Variants in FBXO25 observed in about 807,000 individuals in gnomAD.
The protein encoded by FBXO25 is F-box only protein 25.
In FBXO25, 45 loss-of-function variants were observed where a neutral mutation model predicts 51.9. That is an observed-to-expected ratio of 0.87 (90% confidence interval 0.68 to 1.11). The LOEUF (loss-of-function observed/expected upper bound fraction) is 1.11, where lower values mean the gene tolerates loss of function less well. Among genes scored for constraint, FBXO25 ranks in the 50% most tolerant of loss-of-function variants. The probability of loss-of-function intolerance (pLI) is 0.00; values close to 1 mark genes in which losing one functional copy is unlikely to be tolerated. For synonymous variants in FBXO25, 199 were observed against 151.0 expected (o/e 1.32, Z -2.33); for missense variants, 507 against 428.5 (o/e 1.18, Z -1.62).
At chr8:454,966 C>A (rs915359684) in intron 7 of FBXO25, among the ~76,000 whole-genome samples, 1 of 150,906 alleles carries the variant, frequency 6.6e-6, no homozygotes, top group Non-Finnish European at 1.5e-5. Flanking sequence ...CAGTGCTTAA[C>A]AACTGGCTCT....
chr8:441,729 A>C (rs1337815237), intron 5 of FBXO25, among the ~76,000 whole-genome samples: 1 of 152,250 alleles, frequency 6.6e-6, no homozygotes, highest in Non-Finnish European at 1.5e-5. Flanking sequence ...TTCTCAAAAC[A>C]AGAAATTTAT....
chr8:416,445 G>A (rs549044490), intron 2 of FBXO25, among the ~76,000 whole-genome samples: 130 of 152,304 alleles, frequency 8.5e-4, no homozygotes, highest in Non-Finnish European at 1.5e-3. Context: ...GAGATATTCC[G>A]AACAGAGGCT....
At chr8:417,448 C>T (rs560373643) in intron 2 of FBXO25, among the ~76,000 whole-genome samples, 44 of 152,300 alleles carry the variant, frequency 2.9e-4, no homozygotes, top group African/African-American at 1.0e-3. Flanking sequence ...ATGTATTCTG[C>T]AGGTGGAACT....
chr8:459,419 C>T (rs1043959463), intron 8 of FBXO25, among the ~76,000 whole-genome samples: 1 of 152,036 alleles, frequency 6.6e-6, no homozygotes. Context: ...TGAGGAAGCA[C>T]GGCAGAGGCC....
chr8:442,039 T>G (rs1051013846), intron 5 of FBXO25, among the ~76,000 whole-genome samples: 2 of 152,184 alleles, frequency 1.3e-5, no homozygotes, highest in Non-Finnish European at 2.9e-5. Flanking sequence ...TAGATGGAAC[T>G]GTTGAAAAGG....
chr8:417,566 C>T lies in FBXO25; in HGVS notation c.134+4353C>T, dbSNP rs185903569. 9.0e-4 allele frequency among the ~76,000 whole-genome samples: 137 copies of T among 152,308 alleles called. 1 individual carries two copies. Among genetic ancestry groups the T allele is most frequent in the African/African-American group, 3.2e-3 (133 of 41,572 alleles). On this transcript the variant is annotated intron_variant, in intron 2 of 9. Transcript: ENST00000350302. ...GCATTAACTGATATAACATCTAAATCCGCCTTGTCTTGCACAGGGTCCTTG... is the reference window on the plus strand; with the variant it reads ...GCATTAACTGATATAACATCTAAATTCGCCTTGTCTTGCACAGGGTCCTTG...
intron 5 of FBXO25, among the ~76,000 whole-genome samples, chr8:442,887 G>A (rs1220131413): frequency 2.0e-5 from 3 of 152,070 alleles, no homozygotes; most frequent in Non-Finnish European, 2.9e-5. Context: ...CCTAATTGTC[G>A]ATCCAAGAAT....
In FBXO25 at chr8:432,822, C is replaced by A. The variant is rs1460755704; in HGVS notation, c.239-64C>A. 4.1e-6 allele frequency: 6 copies of A among 1,452,726 alleles called. No individual in the cohort carries two copies. In the African/African-American group the frequency reaches 4.4e-5, roughly 11 times the overall value. The allele number at this position is 1,452,726 out of a possible 1,614,324, so 90.0% of individuals were successfully genotyped here. On this transcript the variant is annotated intron_variant, in intron 3 of 9. Coordinates refer to ENST00000350302, the MANE Select transcript of FBXO25 (RefSeq NM_183420.2). ...TTAACATGTCCAATTATTTAAATTC[C>A]TTTAAAATCTTCATTTTGAAATGAT...
At position 477,351 on chromosome 8, in the gene FBXO25, G is replaced by T. The variant is rs1010340107; in HGVS notation, c.*8547G>T. On this transcript the variant is annotated 3_prime_UTR_variant, in exon 10 of 10. Coordinates refer to ENST00000350302, the MANE Select transcript of FBXO25 (RefSeq NM_183420.2). ...TTGTCCTATCCGTTACTGAAAGTGG[G>T]CTACTGCAGTCTCCTACTCTTACTG... 1 of 152,182 alleles carries T rather than the reference G, an allele frequency of 6.6e-6. No homozygotes were observed. Among genetic ancestry groups the T allele is most frequent in the Non-Finnish European group, 1.5e-5 (1 of 68,042 alleles). The allele number at this position is 152,182 out of a possible 1,614,324, so 9.4% of individuals were successfully genotyped here.
rs1410821850 is a variant in FBXO25 at position 476,193 on chromosome 8, C to G, written c.*7389C>G. 2 of 152,086 alleles carry G rather than the reference C, an allele frequency of 1.3e-5. No individual in the cohort carries two copies. Among genetic ancestry groups the G allele is most frequent in the South Asian group, 4.1e-4 (2 of 4,820 alleles). 9.4% of individuals were successfully genotyped at this position (152,086 alleles called of 1,614,324 possible). A position where few individuals can be genotyped will look rare whatever the true frequency, so the allele number is the denominator to read the frequency against. On this transcript the variant is annotated 3_prime_UTR_variant, in exon 10 of 10. Transcript: ENST00000350302. ...TATTGACTTGAGCATGTTGAAACATCTTTGCATACCAGCTGTAAATCTTAC... is the reference window on the plus strand; with the variant it reads ...TATTGACTTGAGCATGTTGAAACATGTTTGCATACCAGCTGTAAATCTTAC...
At position 475,674 on chromosome 8, in the gene FBXO25, A is replaced by G. The variant is rs1263904254; in HGVS notation, c.*6870A>G. 2 of 152,090 alleles carry G rather than the reference A, an allele frequency of 1.3e-5. No individual in the cohort carries two copies. Among genetic ancestry groups the G allele is most frequent in the Admixed American group, 6.5e-5 (1 of 15,276 alleles). The allele number at this position is 152,090 out of a possible 1,614,324, so 9.4% of individuals were successfully genotyped here. A position where few individuals can be genotyped will look rare whatever the true frequency, so the allele number is the denominator to read the frequency against. On this transcript the variant is annotated 3_prime_UTR_variant, in exon 10 of 10. Transcript: ENST00000350302. Reference sequence around the variant, plus strand: ...TAAATATTTCAGTTTTTTTGTTACTATTATAATGGAATTTTCTTAAATTTC... The same window carrying G: ...TAAATATTTCAGTTTTTTTGTTACTGTTATAATGGAATTTTCTTAAATTTC...
Position 471,406 on chromosome 8 carries a change from G to A in FBXO25, c.*2602G>A, listed in dbSNP as rs542938130. The A allele has an allele frequency of 1.3e-5, 2 of 152,284 alleles. No homozygotes were observed. Among genetic ancestry groups the A allele is most frequent in the African/African-American group, 4.8e-5 (2 of 41,572 alleles). 9.4% of individuals were successfully genotyped at this position (152,284 alleles called of 1,614,324 possible). ...AAATCATAGATCTCCACTTTGGAAT[G>A]GTATTTTTGAATACAGTTTCTATCA... On this transcript the variant is annotated 3_prime_UTR_variant, in exon 10 of 10. Coordinates refer to ENST00000350302, the MANE Select transcript of FBXO25 (RefSeq NM_183420.2).
chr8:437,329 G>C (rs904873157), intron 5 of FBXO25, among the ~76,000 whole-genome samples: 7 of 152,208 alleles, frequency 4.6e-5, no homozygotes, highest in Admixed American at 3.9e-4. Context: ...CCTCTCAGAT[G>C]TGGAGCGAGG....
In FBXO25 at chr8:458,474, AC is replaced by A; in HGVS notation, c.771del (p.Thr258ArgfsTer29). On this transcript the variant is annotated frameshift_variant, in exon 8 of 10. Coordinates refer to ENST00000350302, the MANE Select transcript of FBXO25 (RefSeq NM_183420.2). LOFTEE classifies it high-confidence loss of function. ...GWDIITLGQV[T>X]PTLYMLSEDR... is the part of the protein sequence containing the mutation. ...GGACATCATCACCTTAGGCCAGGTG[AC>A]CCCCACGTTGTATATGCTTAGTGAA... The A allele has an allele frequency of 6.2e-7, 1 of 1,613,882 alleles. No individual in the cohort carries two copies. The highest frequency in any genetic ancestry group is 8.5e-7 in the Non-Finnish European group (1 of 1,179,974).
intron 2 of FBXO25, among the ~76,000 whole-genome samples, chr8:415,304 G>A (rs1254446598): frequency 1.3e-5 from 2 of 152,146 alleles, no homozygotes; most frequent in African/African-American, 4.8e-5. Flanking sequence ...ACTCATTTTA[G>A]TATTCAAAGT....
chr8:441,886 T>C (rs1398527380), intron 5 of FBXO25, among the ~76,000 whole-genome samples: 2 of 152,148 alleles, frequency 1.3e-5, no homozygotes, highest in African/African-American at 2.4e-5. Flanking sequence ...CGTGGAGAAA[T>C]AGGAATGCTT....
intron 2 of FBXO25, among the ~76,000 whole-genome samples, chr8:415,899 C>T (rs577198997): frequency 1.3e-5 from 2 of 152,116 alleles, no homozygotes; most frequent in African/African-American, 4.8e-5. Flanking sequence ...TTATTATGGG[C>T]ACTGTAATTG....
intron 9 of FBXO25, 151 bp downstream of exon 9, chr8:463,301 G>A: frequency 1.1e-6 from 1 of 875,084 alleles, no homozygotes; most frequent in Non-Finnish European, 1.7e-6. Flanking sequence ...ATTGGGGTAG[G>A]GGAACAGATG....
chr8:461,068 C>T (rs773359642), intron 8 of FBXO25, among the ~76,000 whole-genome samples: 1 of 152,186 alleles, frequency 6.6e-6, no homozygotes, highest in African/African-American at 2.4e-5. Context: ...ACTCCTTTAG[C>T]CCGTGCATTT....
Sources: gnomAD v4.1 joint callset for allele counts (sites outside exome capture counted in the v4.1 genomes callset) on GRCh38, gnomAD v4.1.1 for gene constraint, MANE v1.5 for transcripts, NCBI Gene and HGNC (gene_info 2026-07-23, HGNC 2026-07-21) for gene names.